The following FAF1 variants were observed in gnomAD, a reference collection of about 807,000 sequenced individuals.
The protein encoded by FAF1 is FAS-associated factor 1.
In FAF1, 25 loss-of-function variants were observed where a neutral mutation model predicts 92.5. The ratio of observed to expected loss-of-function variants is 0.27; its 90% CI spans 0.20 to 0.38. FAF1 has a LOEUF of 0.38. Among genes scored for constraint, FAF1 ranks in the 10% least tolerant of loss-of-function variants. The pLI, the probability that FAF1 is intolerant of heterozygous loss-of-function variation, is 1.00. For missense variants in FAF1, 636 were observed against 793.3 expected (o/e 0.80, Z 2.38); for synonymous variants, 234 against 273.2 (o/e 0.86, Z 1.42).
At chr1:50,845,519 A>G (rs1644291135) in intron 2 of FAF1, among the ~76,000 whole-genome samples, 1 of 152,022 alleles carries the variant, frequency 6.6e-6, no homozygotes. Context: ...CAGTCTGTCC[A>G]TGCACAGAGG....
rs1025707953 is a variant in FAF1, at chr1:50,960,091, C to T, written c.-280G>A. 18 of 391,674 alleles carry T rather than the reference C, an allele frequency of 4.6e-5. No individual in the cohort carries two copies. Among genetic ancestry groups the T allele is most frequent in the African/African-American group, 3.5e-4 (17 of 48,322 alleles). The allele number at this position is 391,674 out of a possible 1,614,324, so 24.3% of individuals were successfully genotyped here. On this transcript the variant is annotated 5_prime_UTR_variant, in exon 1 of 19. Transcript: ENST00000396153. ...AGGAAGATTGGTCTGGATGTGGGTC[C>T]GGTCTTACAGTCGCGGGCCAGGATG...
At chr1:50,700,960 A>G (rs1286454808) in intron 7 of FAF1, among the ~76,000 whole-genome samples, 1 of 152,128 alleles carries the variant, frequency 6.6e-6, no homozygotes, top group African/African-American at 2.4e-5. Context: ...CAATATTTAT[A>G]AAATGATCCC....
chr1:50,716,783 G>T (rs552594588), intron 6 of FAF1, among the ~76,000 whole-genome samples: 11 of 152,186 alleles, frequency 7.2e-5, no homozygotes, highest in Admixed American at 1.3e-4. Context: ...CTGTAAAATG[G>T]ACCAACCAGC....
intron 1 of FAF1, among the ~76,000 whole-genome samples, chr1:50,888,774 T>C (rs959466195): frequency 6.6e-6 from 1 of 152,230 alleles, no homozygotes; most frequent in Non-Finnish European, 1.5e-5. Context: ...GCCAGTATTT[T>C]ATTGAGGATT....
chr1:50,685,206 A>G (rs1289480598), intron 7 of FAF1, among the ~76,000 whole-genome samples: 2 of 152,228 alleles, frequency 1.3e-5, no homozygotes, highest in Non-Finnish European at 2.9e-5. Flanking sequence ...GAGGCAGGTA[A>G]GTAAATATCA....
chr1:50,538,094 C>T (rs1648576351), intron 14 of FAF1, among the ~76,000 whole-genome samples: 1 of 151,076 alleles, frequency 6.6e-6, no homozygotes, highest in Non-Finnish European at 1.5e-5. Flanking sequence ...TGCTGACACA[C>T]TTCATTATAG....
At chr1:50,928,132 A>G (rs1023997339) in intron 1 of FAF1, among the ~76,000 whole-genome samples, 2 of 152,196 alleles carry the variant, frequency 1.3e-5, no homozygotes, top group African/African-American at 2.4e-5. Context: ...CTAGTAAGTG[A>G]GCCCTGCTTG....
At chr1:50,565,347 T>C (rs1247965723) in intron 13 of FAF1, among the ~76,000 whole-genome samples, 2 of 152,122 alleles carry the variant, frequency 1.3e-5, no homozygotes, top group Non-Finnish European at 2.9e-5. Context: ...TGACAGTTGC[T>C]TAATTCAAAA....
At chr1:50,496,341 T>C (rs1351743690) in intron 15 of FAF1, among the ~76,000 whole-genome samples, 3 of 152,168 alleles carry the variant, frequency 2.0e-5, no homozygotes, top group Non-Finnish European at 4.4e-5. Context: ...CCTGAAGTTC[T>C]CTCAATATAA....
At chr1:50,517,607 G>A (rs1458997042) in intron 15 of FAF1, among the ~76,000 whole-genome samples, 2 of 152,164 alleles carry the variant, frequency 1.3e-5, no homozygotes, top group African/African-American at 2.4e-5. Context: ...AGCTCCCCAG[G>A]TGATTGTGAT....
chr1:50,506,957 C>G (rs1188607514), intron 15 of FAF1, among the ~76,000 whole-genome samples: 1 of 152,128 alleles, frequency 6.6e-6, no homozygotes, highest in Admixed American at 6.5e-5. Flanking sequence ...ATCTTAAGTT[C>G]TGACATTTAA....
intron 2 of FAF1, among the ~76,000 whole-genome samples, chr1:50,844,011 T>C (rs1644278490): frequency 6.6e-6 from 1 of 152,152 alleles, no homozygotes; most frequent in African/African-American, 2.4e-5. Flanking sequence ...GGTTCAAGTG[T>C]TCCCCTTTCT....
In FAF1 at chr1:50,551,733, A is replaced by G. The variant is rs116513411; in HGVS notation, c.1269-12005T>C. Among the ~76,000 whole-genome samples the G allele has an allele frequency of 1.4e-3, 217 of 152,316 alleles. 1 individual carries two copies. Among genetic ancestry groups the G allele is most frequent in the African/African-American group, 4.9e-3 (205 of 41,572 alleles). On this transcript the variant is annotated intron_variant, in intron 13 of 18. Coordinates refer to ENST00000396153, the MANE Select transcript of FAF1 (RefSeq NM_007051.3). ...TAAGGTGTTCCAAAAGATCCTTTAG[A>G]TAAGATTCAGAAATACAGGCTAAGG...
intron 6 of FAF1, among the ~76,000 whole-genome samples, chr1:50,706,925 C>T (rs1047904743): frequency 4.6e-5 from 7 of 152,162 alleles, no homozygotes; most frequent in Non-Finnish European, 7.3e-5. Flanking sequence ...ACAGATAGGA[C>T]GGGCACGGTG....
chr1:50,841,644 A>G (rs1557553762), intron 2 of FAF1, among the ~76,000 whole-genome samples: 2 of 152,036 alleles, frequency 1.3e-5, no homozygotes, highest in Non-Finnish European at 2.9e-5. Flanking sequence ...TTTGACTAGC[A>G]AAGAAAAGAA....
chr1:50,950,086 T>C (rs1268074140), intron 1 of FAF1, among the ~76,000 whole-genome samples: 3 of 152,182 alleles, frequency 2.0e-5, no homozygotes, highest in African/African-American at 7.2e-5. Flanking sequence ...AGTGATCCCG[T>C]GCCTCTTCTT....
At chr1:50,590,323 A>G (rs1226258278) in intron 9 of FAF1, among the ~76,000 whole-genome samples, 1 of 152,128 alleles carries the variant, frequency 6.6e-6, no homozygotes, top group Admixed American at 6.5e-5. Context: ...TTAATTTTTC[A>G]GCAATGTTTG....
At chr1:50,490,486 GAAGGA>G (rs1646824730) in intron 17 of FAF1, 97 bp downstream of exon 17, 4 of 629,828 alleles carry the variant, frequency 6.4e-6, no homozygotes, top group South Asian at 3.5e-5. Flanking sequence ...AGGAAGGAAG[GAAGGA>G]AAGGAAGGAA....
chr1:50,711,858 T>G (rs576992523), intron 6 of FAF1, among the ~76,000 whole-genome samples: 3 of 152,194 alleles, frequency 2.0e-5, no homozygotes, highest in African/African-American at 7.2e-5. Context: ...GATAAGGGTA[T>G]TATCTTTAAA....
Sources: allele counts gnomAD v4.1 joint callset (sites outside exome capture counted in the v4.1 genomes callset), GRCh38; gene constraint gnomAD v4.1.1; transcripts MANE v1.5; gene names NCBI Gene and HGNC (gene_info 2026-07-23, HGNC 2026-07-21).